The following CECR2 variants were observed in gnomAD, a reference collection of about 807,000 sequenced individuals.
The protein encoded by CECR2 is CECR2 histone acetyl-lysine reader.
Under a neutral mutation model 154.5 loss-of-function variants are expected in CECR2, and 30 were observed. The ratio of observed to expected loss-of-function variants is 0.19; its 90% CI spans 0.15 to 0.26. The LOEUF (loss-of-function observed/expected upper bound fraction) is 0.26, where lower values mean the gene tolerates loss of function less well. Ranked by LOEUF, CECR2 falls within the 10% of genes least tolerant of loss-of-function variation. The pLI is 1.00. For synonymous variants in CECR2, 725 were observed against 683.7 expected (o/e 1.06, Z -0.94); for missense variants, 1,743 against 1,829.3 (o/e 0.95, Z 0.86).
intron 1 of CECR2, among the ~76,000 whole-genome samples, chr22:17,375,681 G>A (rs2063110429): frequency 1.3e-5 from 2 of 151,826 alleles, no homozygotes; most frequent in Non-Finnish European, 2.9e-5. Context: ...GTGCTTTGTC[G>A]CTGGTGGCTC....
chr22:17,472,958 T>C (rs2055151683), intron 1 of CECR2, among the ~76,000 whole-genome samples: 1 of 152,150 alleles, frequency 6.6e-6, no homozygotes, highest in Admixed American at 6.5e-5. Context: ...GCCCTGTTTC[T>C]TCTGCTTGTT....
chr22:17,412,864 C>T (rs766220993), intron 1 of CECR2, among the ~76,000 whole-genome samples: 9 of 152,122 alleles, frequency 5.9e-5, no homozygotes, highest in Non-Finnish European at 1.3e-4. Flanking sequence ...AGTGCGGGTG[C>T]GGCCAGTCTG....
rs695493 is a variant in CECR2, at chr22:17,545,374, C to CAAAAAAAAAAAAAAA, written c.2860+2380_2860+2394dup. On this transcript the variant is annotated intron_variant, in intron 16 of 18. Transcript: ENST00000262608. ...TGGGCGAAACAGCGAGACTCCGTCT[C>CAAAAAAAAAAAAAAA]AAAAAAAAAAAAAAAAAAAAAAAGA... 2.8e-4 allele frequency among the ~76,000 whole-genome samples: 13 copies of CAAAAAAAAAAAAAAA among 46,438 alleles called. 1 individual carries two copies. Among genetic ancestry groups the CAAAAAAAAAAAAAAA allele is most frequent in the African/African-American group, 1.1e-3 (12 of 11,096 alleles). 30.5% of individuals were successfully genotyped at this position (46,438 alleles called of 152,430 possible).
chr22:17,386,795 C>T (rs894171563), intron 1 of CECR2, among the ~76,000 whole-genome samples: 5 of 151,838 alleles, frequency 3.3e-5, no homozygotes, highest in East Asian at 3.9e-4. Context: ...GGATTACAGG[C>T]GCATGCCACC....
At position 17,519,230 on chromosome 22, in the gene CECR2, C is replaced by T. The variant is rs375158701; in HGVS notation, c.955-4888C>T. On this transcript the variant is annotated intron_variant, in intron 8 of 18. Transcript: ENST00000262608. Reference sequence around the variant, plus strand: ...GAGGGGCCTGTAGCTCTGTGCAGTCCGTGCAGCCACTGCTCCTCCACCTCA... The same window carrying T: ...GAGGGGCCTGTAGCTCTGTGCAGTCTGTGCAGCCACTGCTCCTCCACCTCA... 5.3e-5 allele frequency among the ~76,000 whole-genome samples: 8 copies of T among 151,472 alleles called. No individual in the cohort carries two copies. In the South Asian group the frequency reaches 6.3e-4, roughly 12 times the overall value.
intron 1 of CECR2, among the ~76,000 whole-genome samples, chr22:17,395,062 A>G (rs75809471): frequency 0.053 from 8,031 of 152,294 alleles, 330 homozygotes; most frequent in African/African-American, 0.12. Flanking sequence ...GATACAGAGC[A>G]TTTGTATCTA....
At position 17,553,739 on chromosome 22, in the gene CECR2, A is replaced by G. The variant is rs2056743124; in HGVS notation, c.*899A>G. On this transcript the variant is annotated 3_prime_UTR_variant, in exon 19 of 19. Coordinates refer to ENST00000262608, the MANE Select transcript of CECR2 (RefSeq NM_001290047.2). Reference sequence around the variant, plus strand: ...GATTTTGCCACCAGCCCTACCGAATAGTTGTAAACCAGTATCAGGAATTGG... The same window carrying G: ...GATTTTGCCACCAGCCCTACCGAATGGTTGTAAACCAGTATCAGGAATTGG... The G allele has an allele frequency of 6.6e-6, 1 of 152,194 alleles. No individual in the cohort carries two copies. Among genetic ancestry groups the G allele is most frequent in the African/African-American group, 2.4e-5 (1 of 41,446 alleles). 9.4% of individuals were successfully genotyped at this position (152,194 alleles called of 1,614,324 possible).
At chr22:17,396,208 C>T (rs1179677681) in intron 1 of CECR2, among the ~76,000 whole-genome samples, 4 of 148,282 alleles carry the variant, frequency 2.7e-5, no homozygotes, top group Non-Finnish European at 5.9e-5. Flanking sequence ...TACCACTGCA[C>T]TCTAGCCTGG....
chr22:17,427,509 G>A (rs961292337), intron 1 of CECR2, among the ~76,000 whole-genome samples: 5 of 152,090 alleles, frequency 3.3e-5, no homozygotes, highest in African/African-American at 7.2e-5. Flanking sequence ...AAGGTGGCGC[G>A]TCCAGGGTTT....
chr22:17,548,282 G>A lies in CECR2; in HGVS notation c.2995G>A (p.Glu999Lys). The A allele has an allele frequency of 2.5e-6, 4 of 1,607,990 alleles. No individual in the cohort carries two copies. Among genetic ancestry groups the A allele is most frequent in the South Asian group, 1.1e-5 (1 of 89,984 alleles). Residue 999 changes from glutamate to lysine, a missense_variant, in exon 17 of 19, where the codon GAA (glutamate) becomes AAA (lysine). Around this residue, in one of 4 missense-constraint regions of CECR2, gnomAD observed 1,250 missense variants for 1,192.1 expected, o/e 1.05. Coordinates refer to ENST00000262608, the MANE Select transcript of CECR2 (RefSeq NM_001290047.2). ...CAGGCAGAGCTCACCACAAGAAAGG[G>A]AAACAGTGGGCCCGGAGCTCAAAAG... ...CTRQSSPQERETVGPELKSSS... is the reference protein window; with the variant it reads ...CTRQSSPQERKTVGPELKSSS...
chr22:17,382,098 G>T (rs543240255), intron 1 of CECR2, among the ~76,000 whole-genome samples: 16 of 151,400 alleles, frequency 1.1e-4, no homozygotes, highest in East Asian at 3.9e-4. Context: ...CGCCGTGTTA[G>T]CCAGGATGGT....
chr22:17,406,450 G>A (rs1302196601), intron 1 of CECR2, among the ~76,000 whole-genome samples: 1 of 152,224 alleles, frequency 6.6e-6, no homozygotes, highest in Non-Finnish European at 1.5e-5. Flanking sequence ...TTGAACCCAG[G>A]AGGCGGAGGT....
Position 17,524,148 on chromosome 22 carries a change from CA to C in CECR2, c.989del (p.Lys330SerfsTer13). ...ETPVLTRIEK[Q>X]KRKEEEEERQ... ...TCCTGTGCTGACCAGAATAGAAAAA[CA>C]AAAGCGCAAAGAGGAGGAAGAAGAG... On this transcript the variant is annotated frameshift_variant, in exon 9 of 19. Transcript: ENST00000262608. LOFTEE classifies it high-confidence loss of function. 2 of 1,599,424 alleles carry C rather than the reference CA, an allele frequency of 1.3e-6. No homozygotes were observed. Among genetic ancestry groups the C allele is most frequent in the South Asian group, 1.1e-5 (1 of 88,268 alleles).
intron 1 of CECR2, among the ~76,000 whole-genome samples, chr22:17,385,249 C>T (rs2063244957): frequency 6.6e-6 from 1 of 152,184 alleles, no homozygotes. Context: ...TTTTCCTTTG[C>T]ATTCACAACT....
chr22:17,499,016 GTC>G (rs1349053824), intron 3 of CECR2, among the ~76,000 whole-genome samples: 3 of 152,128 alleles, frequency 2.0e-5, no homozygotes, highest in South Asian at 4.2e-4. Context: ...TTGAGACAGA[GTC>G]TCTCTCTGTC....
chr22:17,507,239 A>T (rs1053775605), intron 7 of CECR2, among the ~76,000 whole-genome samples: 10 of 152,210 alleles, frequency 6.6e-5, no homozygotes, highest in Non-Finnish European at 1.5e-4. Context: ...TTTCTCTAAT[A>T]ACGGGAACTT....
At chr22:17,420,258 C>CAAATAAAGGATTTTTTTTG (rs372278318) in intron 1 of CECR2, among the ~76,000 whole-genome samples, 2,501 of 152,204 alleles carry the variant, frequency 0.016, 59 homozygotes, top group African/African-American at 0.056. Context: ...CTTTAGATTG[C>CAAATAAAGGATTTTTTTTG]GATGGATTCC....
chr22:17,446,993 T>C (rs927832137), intron 1 of CECR2, among the ~76,000 whole-genome samples: 1 of 151,430 alleles, frequency 6.6e-6, no homozygotes, highest in Admixed American at 6.6e-5. Context: ...CAGTGCCGAT[T>C]GGTGCATTTT....
At chr22:17,490,601 AT>A (rs796691251) in intron 2 of CECR2, among the ~76,000 whole-genome samples, 143 of 149,116 alleles carry the variant, frequency 9.6e-4, no homozygotes, top group African/African-American at 3.1e-3. Context: ...CGCCCGGCTA[AT>A]TTTTTTTTTA....
Sources: allele counts gnomAD v4.1 joint callset (sites outside exome capture counted in the v4.1 genomes callset), GRCh38; gene constraint gnomAD v4.1.1; regional missense constraint gnomAD v4.1.1; transcripts MANE v1.5; gene names NCBI Gene and HGNC (gene_info 2026-07-23, HGNC 2026-07-21).